HS3ST4: variants seen among roughly 807,000 people sequenced by gnomAD.
HS3ST4 encodes heparan sulfate glucosamine 3-O-sulfotransferase 4.
HS3ST4 carries 17 observed loss-of-function variants against 29.2 expected under a neutral mutation model. The observed-to-expected ratio is 0.58, with a 90% CI of 0.40 to 0.87. HS3ST4 has a LOEUF of 0.87. Among genes scored for constraint, HS3ST4 ranks in the 40% least tolerant of loss-of-function variants. The pLI is 0.00. For missense variants in HS3ST4, 627 were observed against 634.5 expected (o/e 0.99, Z 0.13); for synonymous variants, 314 against 285.7 (o/e 1.10, Z -1.00).
chr16:25,745,896 G>A (rs568221760), intron 1 of HS3ST4, among the ~76,000 whole-genome samples: 86 of 152,192 alleles, frequency 5.7e-4, no homozygotes, highest in Middle Eastern at 3.4e-3. Flanking sequence ...GTATAGTATC[G>A]TGGGGCAGTT....
At chr16:25,749,060 G>C (rs1027380890) in intron 1 of HS3ST4, among the ~76,000 whole-genome samples, 2 of 152,088 alleles carry the variant, frequency 1.3e-5, no homozygotes, top group African/African-American at 4.8e-5. Flanking sequence ...TATTTCCCAA[G>C]TGTGTGTCTA....
At chr16:25,842,637 T>A (rs185603728) in intron 1 of HS3ST4, among the ~76,000 whole-genome samples, 1 of 152,282 alleles carries the variant, frequency 6.6e-6, no homozygotes, top group East Asian at 1.9e-4. Flanking sequence ...TAGGAAGTAA[T>A]TAGGAAGTAT....
At chr16:26,021,556 T>C (rs909789880) in intron 1 of HS3ST4, among the ~76,000 whole-genome samples, 1 of 152,182 alleles carries the variant, frequency 6.6e-6, no homozygotes, top group African/African-American at 2.4e-5. Flanking sequence ...CCCACAGAGA[T>C]GTGAGGCTGT....
intron 1 of HS3ST4, among the ~76,000 whole-genome samples, chr16:26,001,669 C>T (rs7499394): frequency 0.12 from 17,858 of 152,090 alleles, 1,252 homozygotes; most frequent in Admixed American, 0.17. Flanking sequence ...AGAGATTTCA[C>T]GTCATTCTTT....
chr16:25,709,668 T>G (rs1966403025), intron 1 of HS3ST4, among the ~76,000 whole-genome samples: 1 of 151,738 alleles, frequency 6.6e-6, no homozygotes, highest in Non-Finnish European at 1.5e-5. Flanking sequence ...ATTCTGCATC[T>G]TTTCTTTAAC....
chr16:26,120,465 C>T (rs538784103), intron 1 of HS3ST4, among the ~76,000 whole-genome samples: 181 of 152,314 alleles, frequency 1.2e-3, no homozygotes, highest in African/African-American at 3.6e-3. Context: ...GTAAAAAGGT[C>T]GTTCTTCTGT....
intron 1 of HS3ST4, among the ~76,000 whole-genome samples, chr16:26,003,659 C>T (rs1029205646): frequency 6.6e-6 from 1 of 152,136 alleles, no homozygotes; most frequent in Non-Finnish European, 1.5e-5. Flanking sequence ...AAAGAGCTAC[C>T]CCTGAACTGG....
chr16:25,904,658 C>T (rs1968162222), intron 1 of HS3ST4, among the ~76,000 whole-genome samples: 2 of 152,088 alleles, frequency 1.3e-5, no homozygotes, highest in Non-Finnish European at 2.9e-5. Context: ...TTCAATATAG[C>T]TTGGTAATCA....
At chr16:25,973,383 A>G (rs983215216) in intron 1 of HS3ST4, among the ~76,000 whole-genome samples, 3 of 152,270 alleles carry the variant, frequency 2.0e-5, no homozygotes, top group Non-Finnish European at 4.4e-5. Context: ...CTCTAAAGCC[A>G]CATATTAAAG....
chr16:26,028,603 G>A (rs1254277936), intron 1 of HS3ST4, among the ~76,000 whole-genome samples: 2 of 152,292 alleles, frequency 1.3e-5, no homozygotes, highest in South Asian at 4.1e-4. Context: ...CTTGCTGAGT[G>A]CAATGTGATG....
chr16:26,096,810 A>G (rs1412215588), intron 1 of HS3ST4, among the ~76,000 whole-genome samples: 8 of 152,216 alleles, frequency 5.3e-5, no homozygotes, highest in Non-Finnish European at 7.3e-5. Context: ...TTTGCAGATG[A>G]CATGATTGTA....
intron 1 of HS3ST4, among the ~76,000 whole-genome samples, chr16:26,106,609 C>T (rs941092154): frequency 6.6e-6 from 1 of 152,164 alleles, no homozygotes; most frequent in African/African-American, 2.4e-5. Flanking sequence ...AATAACATGT[C>T]CAGCCACATA....
Position 25,967,668 on chromosome 16 carries a change from G to A in HS3ST4, c.735-167944G>A, listed in dbSNP as rs80238546. On this transcript the variant is annotated intron_variant, in intron 1 of 1. Transcript: ENST00000331351. ...ATCATAATAAGGTTATCACTAGTTT[G>A]CCTTAATTTCAATGAGTTGATCTGA... Among the ~76,000 whole-genome samples, 32 of 152,270 alleles carry A rather than the reference G, an allele frequency of 2.1e-4. No homozygotes were observed. The East Asian group carries it at 3.3e-3, about 16-fold the overall frequency.
At chr16:25,927,130 T>A (rs977109999) in intron 1 of HS3ST4, among the ~76,000 whole-genome samples, 3 of 152,208 alleles carry the variant, frequency 2.0e-5, no homozygotes, top group Non-Finnish European at 2.9e-5. Context: ...ATTTTACTGA[T>A]CAGCTAAATC....
At chr16:25,822,758 G>C (rs1362445542) in intron 1 of HS3ST4, among the ~76,000 whole-genome samples, 4 of 151,740 alleles carry the variant, frequency 2.6e-5, no homozygotes, top group African/African-American at 9.7e-5. Context: ...GTTCTTTTGA[G>C]ACAGGGTCTT....
At chr16:25,968,482 G>A (rs1176544062) in intron 1 of HS3ST4, among the ~76,000 whole-genome samples, 4 of 152,222 alleles carry the variant, frequency 2.6e-5, no homozygotes, top group South Asian at 2.1e-4. Flanking sequence ...TTATTTCTGT[G>A]ATGCTGACAC....
chr16:25,923,786 A>G lies in HS3ST4; in HGVS notation c.735-211826A>G, dbSNP rs188832711. On this transcript the variant is annotated intron_variant, in intron 1 of 1. Coordinates refer to ENST00000331351, the MANE Select transcript of HS3ST4 (RefSeq NM_006040.3). ...GATTGATTGATTTGTTTTTTCCAGT[A>G]AGTCAATATTTACTGAGCTGGGCTT... 1.2e-3 allele frequency among the ~76,000 whole-genome samples: 180 copies of G among 152,208 alleles called. 2 individuals carry two copies. Among genetic ancestry groups the G allele is most frequent in the Admixed American group, 2.0e-3 (30 of 15,276 alleles).
chr16:25,732,307 C>T (rs2141594117), intron 1 of HS3ST4, among the ~76,000 whole-genome samples: 2 of 152,252 alleles, frequency 1.3e-5, no homozygotes, highest in Non-Finnish European at 2.9e-5. Context: ...CAGTTTAGAC[C>T]AGCTACCTTT....
chr16:26,070,736 A>G (rs1207846758), intron 1 of HS3ST4, among the ~76,000 whole-genome samples: 1 of 151,968 alleles, frequency 6.6e-6, no homozygotes, highest in Non-Finnish European at 1.5e-5. Flanking sequence ...TGCTATAGCA[A>G]CCTGATACTT....
Sources: allele counts gnomAD v4.1 joint callset (sites outside exome capture counted in the v4.1 genomes callset), GRCh38; gene constraint gnomAD v4.1.1; transcripts MANE v1.5; gene names NCBI Gene and HGNC (gene_info 2026-07-23, HGNC 2026-07-21).